The following PABPC4 variants were observed in gnomAD, a reference collection of about 807,000 sequenced individuals.
PABPC4 encodes the protein polyadenylate-binding protein 4.
Under a neutral mutation model 74.5 loss-of-function variants are expected in PABPC4, and 15 were observed. The observed-to-expected ratio is 0.20, with a 90% CI of 0.13 to 0.31. The LOEUF (loss-of-function observed/expected upper bound fraction) is 0.31. PABPC4 is among the 10% of genes least tolerant of loss of function. The probability of loss-of-function intolerance (pLI) is 1.00; values close to 1 mark genes in which losing one functional copy is unlikely to be tolerated. For missense variants in PABPC4, 610 were observed against 853.5 expected, an observed-to-expected ratio of 0.71 and a Z score of 3.55; for synonymous variants, 345 against 303.0, an observed-to-expected ratio of 1.14 and a Z score of -1.44.
rs1300911162 is a variant in PABPC4, at chr1:39,567,927, A to G, written c.877-81T>C. On this transcript the variant is annotated intron_variant, in intron 6 of 15. Coordinates refer to ENST00000372858, the MANE Select transcript of PABPC4 (RefSeq NM_001135653.2). The stretch of plus-strand genomic sequence containing the variant: ...AAAGTGGTTCCCCAAGGGTGGCCCC[A>G]GACCAGGAGCACCAGCATCTTTGGG... The G allele has an allele frequency of 6.7e-6, 5 of 751,476 alleles. No homozygotes were observed. The African/African-American group carries it at 7.1e-5, about 11-fold the overall frequency. The allele number at this position is 751,476 out of a possible 1,614,324, so 46.6% of individuals were successfully genotyped here.
rs1278498803 is a variant in PABPC4, at chr1:39,561,778, C to T, written c.1903G>A (p.Ala635Thr). ...PESLRSKVDEAVAVLQAHHAK... is the reference protein window; with the variant it reads ...PESLRSKVDETVAVLQAHHAK... ...TGATGAGCCTGTAGAACTGCTACAG[C>T]TTCATCCACCTGCGAGAAATCTTCA... is the stretch of plus-strand genomic sequence containing the variant. Residue 635 changes from alanine (A) to threonine (T), a missense_variant, in exon 15 of 16, where the codon GCT becomes ACT. Coordinates refer to ENST00000372858, the MANE Select transcript of PABPC4 (RefSeq NM_001135653.2). 6.2e-7 allele frequency: 1 copy of T among 1,613,616 alleles called. No individual in the cohort carries two copies. Among genetic ancestry groups the T allele is most frequent in the Non-Finnish European group, 8.5e-7 (1 of 1,179,668 alleles).
chr1:39,564,333 G>C (rs1034479449), intron 10 of PABPC4, 90 bp downstream of exon 10: 3 of 1,463,660 alleles, frequency 2.0e-6, no homozygotes, highest in South Asian at 2.6e-5. Context: ...CGATAAATTC[G>C]AGCCCAACAA....
At chr1:39,567,395 A>G (rs1029082026) in intron 7 of PABPC4, 1 of 525,126 alleles carries the variant, frequency 1.9e-6, no homozygotes, top group African/African-American at 1.9e-5. Flanking sequence ...AGCTGTAGAG[A>G]CAGGCCCCAA....
chr1:39,562,728 G>C (rs1645783108), intron 12 of PABPC4: 1 of 277,714 alleles, frequency 3.6e-6, no homozygotes, highest in South Asian at 1.1e-4. Flanking sequence ...TACACCCAAA[G>C]TTACTCAAGA....
rs747011858 is a variant in PABPC4 at position 39,567,702 on chromosome 1, C to T, written c.972+49G>A. Reference sequence around the variant, plus strand: ...CTTCAATGGGACAAATGCCAATAAGCCTATAATGGAATACCACTGCTTTCA... The same window carrying T: ...CTTCAATGGGACAAATGCCAATAAGTCTATAATGGAATACCACTGCTTTCA... On this transcript the variant is annotated intron_variant, in intron 7 of 15. Transcript: ENST00000372858. 39 of 899,992 alleles carry T rather than the reference C, an allele frequency of 4.3e-5. No homozygotes were observed. The East Asian group carries it at 9.1e-4, about 21-fold the overall frequency. 55.8% of individuals were successfully genotyped at this position (899,992 alleles called of 1,614,324 possible). A position where few individuals can be genotyped will look rare whatever the true frequency, so the allele number is the denominator to read the frequency against.
At chr1:39,569,326 T>G (rs1223752357) in intron 5 of PABPC4, among the ~76,000 whole-genome samples, 1 of 152,212 alleles carries the variant, frequency 6.6e-6, no homozygotes, top group Non-Finnish European at 1.5e-5. Context: ...TCACTGGGCT[T>G]TAGTTCTCTC....
chr1:39,571,215 T>G lies in PABPC4; in HGVS notation c.503+19A>C. 1 of 1,613,696 alleles carries G rather than the reference T, an allele frequency of 6.2e-7. No homozygotes were observed. The highest frequency in any genetic ancestry group is 1.1e-5 in the South Asian group (1 of 91,044). On this transcript the variant is annotated intron_variant, in intron 3 of 15. Transcript: ENST00000372858. ...GGCTGGCTCATGCGATGGTTGTTGC[T>G]CCGGACTGGGACACTCACACTTTGC... is the stretch of plus-strand genomic sequence containing the variant.
At chr1:39,569,018 T>G in intron 5 of PABPC4, 79 bp from the exon 6 acceptor site, 1 of 1,483,588 alleles carries the variant, frequency 6.7e-7, no homozygotes, top group East Asian at 2.3e-5. Flanking sequence ...CCAAAAAATA[T>G]TCTTTCTACT....
At chr1:39,564,324 G>C (rs1215574176) in intron 10 of PABPC4, 99 bp downstream of exon 10, 2 of 1,405,266 alleles carry the variant, frequency 1.4e-6, no homozygotes, top group African/African-American at 2.9e-5. Flanking sequence ...ACCAGGACTC[G>C]ATAAATTCGA....
At chr1:39,569,469 ATAG>A in intron 5 of PABPC4, 123 bp downstream of exon 5, 1 of 712,436 alleles carries the variant, frequency 1.4e-6, no homozygotes, top group Non-Finnish European at 2.5e-6. Flanking sequence ...ATCCCAGAGT[ATAG>A]TAATGGTACA....
chr1:39,571,725 T>G, intron 2 of PABPC4: 1 of 413,746 alleles, frequency 2.4e-6, no homozygotes, highest in Non-Finnish European at 4.7e-6. Context: ...AGAAAAAAAT[T>G]AAATGAGTGT....
chr1:39,576,449 GGC>G lies in PABPC4; in HGVS notation c.-500_-499del, dbSNP rs1646027734. On this transcript the variant is annotated 5_prime_UTR_variant, in exon 1 of 16. Coordinates refer to ENST00000372858, the MANE Select transcript of PABPC4 (RefSeq NM_001135653.2). ...CCGACTCGGCGAGCCCCGGGCGGGC[GGC>G]GAAGGGCAGCACGGACACGTGGTGC... is the stretch of plus-strand genomic sequence containing the variant. 1 of 151,034 alleles carries G rather than the reference GGC, an allele frequency of 6.6e-6. No homozygotes were observed. The allele number at this position is 151,034 out of a possible 1,614,324, so 9.4% of individuals were successfully genotyped here. A position where few individuals can be genotyped will look rare whatever the true frequency, so the allele number is the denominator to read the frequency against.
chr1:39,572,690 T>C (rs1645959500), intron 1 of PABPC4, 104 bp from the exon 2 acceptor site: 1 of 791,602 alleles, frequency 1.3e-6, no homozygotes, highest in African/African-American at 1.7e-5. Flanking sequence ...TAATCACTCT[T>C]GATAAAAGGC....
Position 39,563,653 on chromosome 1 carries a change from G to A in PABPC4, c.1629C>T (p.Ser543=), listed in dbSNP as rs148026444. 28 of 1,614,128 alleles carry A rather than the reference G, an allele frequency of 1.7e-5. No individual in the cohort carries two copies. Among genetic ancestry groups the A allele is most frequent in the Non-Finnish European group, 2.2e-5 (26 of 1,180,056 alleles). Residue 543 remains serine, a synonymous_variant, in exon 12 of 16, where the codon TCC becomes TCT. Transcript: ENST00000372858. The part of the protein sequence containing the change: ...PRAVAPYKYA[S]SVRSPHPAIQ... The stretch of plus-strand genomic sequence containing the variant: ...TGGCAGGATGAGGGCTGCGGACACT[G>A]GAGGCGTATTTGTAGGGGGCAACAG...
At chr1:39,570,107 C>T (rs1645916537) in intron 3 of PABPC4, 105 bp from the exon 4 acceptor site, 15 of 1,120,706 alleles carry the variant, frequency 1.3e-5, no homozygotes, top group Non-Finnish European at 1.9e-5. Flanking sequence ...GGTTAAAACA[C>T]GAGATCCCCA....
At chr1:39,569,808 G>GA in intron 4 of PABPC4, 55 bp downstream of exon 4, 2 of 1,600,066 alleles carry the variant, frequency 1.2e-6, no homozygotes, top group African/African-American at 1.3e-5. Flanking sequence ...CATCTCTTAA[G>GA]AAAAAACAGA....
At chr1:39,575,643 C>A in intron 1 of PABPC4, 116 bp downstream of exon 1, 2 of 792,762 alleles carry the variant, frequency 2.5e-6, no homozygotes, top group Non-Finnish European at 3.8e-6. Flanking sequence ...CTGCTCCCAG[C>A]TTCGGTGGCA....
At chr1:39,564,293 G>T in intron 10 of PABPC4, 130 bp downstream of exon 10, 1 of 1,094,278 alleles carries the variant, frequency 9.1e-7, no homozygotes, top group Non-Finnish European at 1.3e-6. Flanking sequence ...GGCCACCTAA[G>T]CACACAGCTA....
intron 1 of PABPC4, among the ~76,000 whole-genome samples, chr1:39,575,538 A>C (rs1475382467): frequency 1.3e-5 from 2 of 152,178 alleles, no homozygotes; most frequent in Non-Finnish European, 2.9e-5. Context: ...AGCAACACTA[A>C]TAAGTAGCCC....
Sources: allele counts gnomAD v4.1 joint callset (sites outside exome capture counted in the v4.1 genomes callset), GRCh38; gene constraint gnomAD v4.1.1; transcripts MANE v1.5; gene names NCBI Gene and HGNC (gene_info 2026-07-23, HGNC 2026-07-21).